Variants in RGS7 observed in about 807,000 individuals in gnomAD.
RGS7 encodes the protein regulator of G-protein signaling 7.
In RGS7, 27 loss-of-function variants were observed where a neutral mutation model predicts 81.1. That is an observed-to-expected ratio of 0.33 (90% CI 0.25 to 0.46). The LOEUF is 0.46. Among genes scored for constraint, RGS7 ranks in the 20% least tolerant of loss-of-function variants. The pLI is 1.00. For missense variants in RGS7, 396 were observed against 607.4 expected (o/e 0.65, Z 3.66); for synonymous variants, 208 against 207.7 (o/e 1.00, Z -0.01).
chr1:241,212,797 C>A (rs369921720), intron 2 of RGS7, among the ~76,000 whole-genome samples: 1 of 152,152 alleles, frequency 6.6e-6, no homozygotes, highest in East Asian at 1.9e-4. Flanking sequence ...GTAGGGCTTC[C>A]GCGTTGTTGT....
At chr1:241,083,259 A>AG (rs914228675) in intron 3 of RGS7, among the ~76,000 whole-genome samples, 2 of 131,860 alleles carry the variant, frequency 1.5e-5, no homozygotes, top group Admixed American at 1.4e-4. Context: ...AAAAAGAAAC[A>AG]AAACAAAACA....
In RGS7 at chr1:240,863,403, A is replaced by T. The variant is rs2147994226; in HGVS notation, c.609+5184T>A. ...GGCAGGAGAATTGCTTGAACCGGGGAGGTGGAGGTTGCAGTGAGGTAAGAT... is the reference window on the plus strand; with the variant it reads ...GGCAGGAGAATTGCTTGAACCGGGGTGGTGGAGGTTGCAGTGAGGTAAGAT... On this transcript the variant is annotated intron_variant, in intron 9 of 18. Transcript: ENST00000440928. 2.0e-5 allele frequency among the ~76,000 whole-genome samples: 3 copies of T among 152,228 alleles called. No homozygotes were observed. In the South Asian group the frequency reaches 6.2e-4, roughly 32 times the overall value.
At chr1:240,900,541 G>A (rs1289821006) in intron 6 of RGS7, among the ~76,000 whole-genome samples, 1 of 152,142 alleles carries the variant, frequency 6.6e-6, no homozygotes, top group Non-Finnish European at 1.5e-5. Context: ...AGGTTTGTTG[G>A]AGTTTGCTGG....
At chr1:241,274,501 C>T (rs954570986) in intron 2 of RGS7, among the ~76,000 whole-genome samples, 7 of 152,228 alleles carry the variant, frequency 4.6e-5, no homozygotes, top group African/African-American at 1.4e-4. Context: ...TTATTTATTA[C>T]GATCTTATAA....
intron 3 of RGS7, among the ~76,000 whole-genome samples, chr1:241,072,859 C>A (rs1386912884): frequency 6.6e-6 from 1 of 152,080 alleles, no homozygotes; most frequent in Non-Finnish European, 1.5e-5. Flanking sequence ...CTTTTCTATC[C>A]CAGGTCTTGC....
chr1:241,232,008 T>G (rs1415016118), intron 2 of RGS7, among the ~76,000 whole-genome samples: 1 of 152,194 alleles, frequency 6.6e-6, no homozygotes, highest in African/African-American at 2.4e-5. Context: ...ATGTATAGTG[T>G]AAGGTAAGGA....
At chr1:241,112,149 T>C (rs987752663) in intron 2 of RGS7, among the ~76,000 whole-genome samples, 3 of 152,110 alleles carry the variant, frequency 2.0e-5, no homozygotes, top group African/African-American at 7.2e-5. Context: ...CTGCTTCCAC[T>C]GAGATGAAAC....
chr1:241,264,870 T>A (rs970671203), intron 2 of RGS7, among the ~76,000 whole-genome samples: 1 of 152,190 alleles, frequency 6.6e-6, no homozygotes, highest in Non-Finnish European at 1.5e-5. Flanking sequence ...AGCCTCAATA[T>A]GATATGTGCC....
intron 9 of RGS7, among the ~76,000 whole-genome samples, chr1:240,842,199 A>ATTGTTTTTTTTTTTTTTT (rs1658152392): frequency 1.3e-5 from 1 of 78,676 alleles, no homozygotes; most frequent in Non-Finnish European, 2.5e-5. Context: ...TTTGTCAGGA[A>ATTGTTTTTTTTTTTTTTT]TTTTTTTTTT....
chr1:241,141,820 C>A (rs1365816653), intron 2 of RGS7, among the ~76,000 whole-genome samples: 1 of 151,772 alleles, frequency 6.6e-6, no homozygotes, highest in African/African-American at 2.4e-5. Context: ...CAAAACCAAT[C>A]ATGCCTTCAG....
rs564306597 is a variant in RGS7 at position 240,901,022 on chromosome 1, G to A, written c.385+29695C>T. The stretch of plus-strand genomic sequence containing the variant: ...ACACCCCTCCCCCAGCCTCGCTGCT[G>A]CCTTGCAGTTCGATCTCAGACTGCT... On this transcript the variant is annotated intron_variant, in intron 6 of 18. Transcript: ENST00000440928. Among the ~76,000 whole-genome samples, 710 of 152,228 alleles carry A rather than the reference G, an allele frequency of 4.7e-3. 7 individuals carry two copies. Among genetic ancestry groups the A allele is most frequent in the African/African-American group, 0.017 (692 of 41,526 alleles).
At chr1:240,842,264 T>C (rs1311327034) in intron 9 of RGS7, among the ~76,000 whole-genome samples, 4 of 137,806 alleles carry the variant, frequency 2.9e-5, no homozygotes, top group Non-Finnish European at 6.2e-5. Flanking sequence ...AGTGGCAAGA[T>C]CTTGGCTCAC....
At chr1:240,824,962 C>G (rs970537668) in intron 10 of RGS7, among the ~76,000 whole-genome samples, 3 of 152,186 alleles carry the variant, frequency 2.0e-5, no homozygotes, top group Non-Finnish European at 4.4e-5. Flanking sequence ...AGACACTCCA[C>G]AGGAACTGAA....
intron 3 of RGS7, among the ~76,000 whole-genome samples, chr1:240,990,289 T>A (rs1558565277): frequency 6.6e-6 from 1 of 151,036 alleles, no homozygotes; most frequent in African/African-American, 2.4e-5. Context: ...TGTTTCATCA[T>A]AAAAAAAAAT....
chr1:240,798,595 A>G (rs1687466768), intron 18 of RGS7, among the ~76,000 whole-genome samples: 1 of 152,142 alleles, frequency 6.6e-6, no homozygotes, highest in Non-Finnish European at 1.5e-5. Flanking sequence ...CTCCTTCCCT[A>G]ACTATGTGAC....
At chr1:240,910,503 G>A (rs1007847647) in intron 6 of RGS7, among the ~76,000 whole-genome samples, 4 of 152,046 alleles carry the variant, frequency 2.6e-5, no homozygotes, top group Non-Finnish European at 4.4e-5. Context: ...TAGAGAGGAG[G>A]AATAAATTCT....
intron 3 of RGS7, among the ~76,000 whole-genome samples, chr1:241,017,578 CAT>C (rs35620502): frequency 0.11 from 16,731 of 151,956 alleles, 1,080 homozygotes; most frequent in African/African-American, 0.18. Flanking sequence ...GTTAGCCAGA[CAT>C]AGAATTATAG....
At chr1:240,866,195 G>A (rs145670323) in intron 9 of RGS7, among the ~76,000 whole-genome samples, 270 of 152,326 alleles carry the variant, frequency 1.8e-3, no homozygotes, top group African/African-American at 5.9e-3. Flanking sequence ...ATGACAACCC[G>A]AAGCTCTATT....
At chr1:241,237,757 C>A (rs2076056874) in intron 2 of RGS7, among the ~76,000 whole-genome samples, 2 of 152,226 alleles carry the variant, frequency 1.3e-5, no homozygotes, top group South Asian at 4.1e-4. Context: ...TGAATATTGC[C>A]TTCGAGGAAA....
Sources: gnomAD v4.1 joint callset for allele counts (sites outside exome capture counted in the v4.1 genomes callset) on GRCh38, gnomAD v4.1.1 for gene constraint, MANE v1.5 for transcripts, NCBI Gene and HGNC (gene_info 2026-07-23, HGNC 2026-07-21) for gene names.